The following PPP3CA variants were observed in gnomAD, a reference collection of about 807,000 sequenced individuals.
PPP3CA encodes the protein CAM-PRP catalytic subunit.
A neutral mutation model predicts 66.5 loss-of-function variants in PPP3CA; 14 were observed. That is an observed-to-expected ratio of 0.21 (90% CI 0.14 to 0.33). The LOEUF is 0.33. PPP3CA is among the 10% of genes least tolerant of loss of function. PPP3CA has a pLI of 1.00. For missense variants in PPP3CA, 317 were observed against 639.5 expected (o/e 0.50, Z 5.44); for synonymous variants, 232 against 226.2 (o/e 1.03, Z -0.23).
chr4:101,124,714 A>AG (rs1722159536), intron 2 of PPP3CA, among the ~76,000 whole-genome samples: 2 of 90,998 alleles, frequency 2.2e-5, no homozygotes, highest in East Asian at 2.8e-4. Flanking sequence ...AGAAAGAAAG[A>AG]AAGAAAGAAA....
intron 5 of PPP3CA, among the ~76,000 whole-genome samples, chr4:101,097,394 T>C (rs897990494): frequency 1.1e-4 from 16 of 152,162 alleles, no homozygotes; most frequent in African/African-American, 3.9e-4. Context: ...AGTTTTCAAC[T>C]GTTTATAATT....
intron 3 of PPP3CA, 51 bp downstream of exon 3, chr4:101,108,903 G>T: frequency 6.5e-7 from 1 of 1,541,776 alleles, no homozygotes; most frequent in South Asian, 1.2e-5. Flanking sequence ...ATTTTTTTGA[G>T]ATACTGTTAA....
At chr4:101,333,304 T>G (rs1729504331) in intron 1 of PPP3CA, among the ~76,000 whole-genome samples, 2 of 113,126 alleles carry the variant, frequency 1.8e-5, no homozygotes, top group African/African-American at 9.6e-5. Context: ...TTTTTTTTTT[T>G]TTTTTGTAGA....
rs184421663 is a variant in PPP3CA, at chr4:101,050,516, G to A, written c.1157-9950C>T. The stretch of plus-strand genomic sequence containing the variant: ...GGCTCACTTTCCTTATCTATAAAGT[G>A]AGGCATGTTCTAAATGCATTATTTC... On this transcript the variant is annotated intron_variant, in intron 10 of 13. Coordinates refer to ENST00000394854, the MANE Select transcript of PPP3CA (RefSeq NM_000944.5). Among the ~76,000 whole-genome samples the A allele has an allele frequency of 4.1e-3, 622 of 152,284 alleles. 6 individuals are homozygous for A. The highest frequency in any genetic ancestry group is 0.014 in the African/African-American group (576 of 41,568).
intron 1 of PPP3CA, among the ~76,000 whole-genome samples, chr4:101,269,553 C>CGTGTGTGTGTGTGTGTGTGTGTGT: frequency 7.4e-6 from 1 of 135,980 alleles, no homozygotes; most frequent in East Asian, 2.1e-4. Flanking sequence ...AAACAAGGAA[C>CGTGTGTGTGTGTGTGTGTGTGTGT]GTGTGTGTGT....
intron 1 of PPP3CA, among the ~76,000 whole-genome samples, chr4:101,239,487 T>C (rs770078774): frequency 1.3e-5 from 2 of 152,024 alleles, no homozygotes; most frequent in African/African-American, 4.8e-5. Context: ...CACTTAAGTA[T>C]AGGACAAGAC....
intron 1 of PPP3CA, among the ~76,000 whole-genome samples, chr4:101,279,461 C>A (rs1038848805): frequency 6.6e-6 from 1 of 152,198 alleles, no homozygotes; most frequent in African/African-American, 2.4e-5. Context: ...CTCTGCTGTG[C>A]TTGTGGGGCA....
Position 101,025,768 on chromosome 4 carries a change from G to C in PPP3CA, c.*97C>G. ...CAGAGCAAATAAGCTACTGTCAGAGGCAAGAACATCCAACTGCTGATATGC... is the reference window on the plus strand; with the variant it reads ...CAGAGCAAATAAGCTACTGTCAGAGCCAAGAACATCCAACTGCTGATATGC... On this transcript the variant is annotated 3_prime_UTR_variant, in exon 14 of 14. Transcript: ENST00000394854. 9.9e-7 allele frequency: 1 copy of C among 1,010,382 alleles called. No individual in the cohort carries two copies. The highest frequency in any genetic ancestry group is 1.4e-6 in the Non-Finnish European group (1 of 717,092). The allele number at this position is 1,010,382 out of a possible 1,614,324, so 62.6% of individuals were successfully genotyped here.
At chr4:101,239,956 T>G (rs1378789990) in intron 1 of PPP3CA, among the ~76,000 whole-genome samples, 1 of 149,598 alleles carries the variant, frequency 6.7e-6, no homozygotes, top group Non-Finnish European at 1.5e-5. Context: ...CTTAAGCAAA[T>G]ATAATCTAGC....
intron 8 of PPP3CA, among the ~76,000 whole-genome samples, chr4:101,071,907 T>C (rs999586804): frequency 6.6e-6 from 1 of 151,378 alleles, no homozygotes; most frequent in Non-Finnish European, 1.5e-5. Flanking sequence ...ATGTGTAGAT[T>C]CATTCAATTA....
At chr4:101,206,128 A>G (rs923910003) in intron 1 of PPP3CA, among the ~76,000 whole-genome samples, 2 of 152,172 alleles carry the variant, frequency 1.3e-5, no homozygotes, top group Admixed American at 6.5e-5. Flanking sequence ...ATCTGTTCTC[A>G]TCCACAGTCT....
At chr4:101,116,792 T>A (rs181369855) in intron 2 of PPP3CA, among the ~76,000 whole-genome samples, 1 of 151,888 alleles carries the variant, frequency 6.6e-6, no homozygotes. Context: ...TATTTTCCCA[T>A]AGGGAATATT....
chr4:101,200,263 TA>T, intron 1 of PPP3CA, among the ~76,000 whole-genome samples: 1 of 152,300 alleles, frequency 6.6e-6, no homozygotes, highest in East Asian at 1.9e-4. Flanking sequence ...GTGGGATATG[TA>T]ACTTTTTAAA....
chr4:101,120,447 T>C (rs1721990387), intron 2 of PPP3CA, among the ~76,000 whole-genome samples: 1 of 152,060 alleles, frequency 6.6e-6, no homozygotes. Flanking sequence ...CCTACGGGTT[T>C]AGGCCTTAGG....
chr4:101,145,965 C>T lies in PPP3CA; in HGVS notation c.260-36887G>A, dbSNP rs186192305. 1.5e-3 allele frequency among the ~76,000 whole-genome samples: 229 copies of T among 152,200 alleles called. 2 individuals carry two copies. Among genetic ancestry groups the T allele is most frequent in the African/African-American group, 5.1e-3 (211 of 41,522 alleles). On this transcript the variant is annotated intron_variant, in intron 2 of 13. Coordinates refer to ENST00000394854, the MANE Select transcript of PPP3CA (RefSeq NM_000944.5). ...AAGCTAATCTTGTCCCTTTGAACTA[C>T]GTTTCACATTTTATTTAGTTCAAAA...
chr4:101,248,535 A>G (rs189199892), intron 1 of PPP3CA, among the ~76,000 whole-genome samples: 5 of 152,266 alleles, frequency 3.3e-5, no homozygotes, highest in Admixed American at 3.3e-4. Flanking sequence ...ATCATATCAA[A>G]TTCCACTATA....
intron 2 of PPP3CA, among the ~76,000 whole-genome samples, chr4:101,187,696 TG>T (rs749446321): frequency 6.6e-6 from 1 of 152,172 alleles, no homozygotes; most frequent in Non-Finnish European, 1.5e-5. Context: ...ATTCGCCAAA[TG>T]GTATCCAAAT....
At chr4:101,203,498 AAAAC>A (rs1005257252) in intron 1 of PPP3CA, among the ~76,000 whole-genome samples, 13 of 152,286 alleles carry the variant, frequency 8.5e-5, no homozygotes, top group African/African-American at 1.2e-4. Flanking sequence ...CCATCTCAAA[AAAAC>A]AAACAAACAA....
intron 1 of PPP3CA, among the ~76,000 whole-genome samples, chr4:101,324,222 A>AAGGAAGGG (rs1729141762): frequency 1.6e-5 from 2 of 126,284 alleles, no homozygotes; most frequent in African/African-American, 2.9e-5. Context: ...GGAAGGAAGG[A>AAGGAAGGG]AAGGAGGGAA....
Sources: gnomAD v4.1 joint callset for allele counts (sites outside exome capture counted in the v4.1 genomes callset) on GRCh38, gnomAD v4.1.1 for gene constraint, MANE v1.5 for transcripts, NCBI Gene and HGNC (gene_info 2026-07-23, HGNC 2026-07-21) for gene names.